Variants in TXNIP observed in about 807,000 individuals in gnomAD.
The protein encoded by TXNIP is thioredoxin-interacting protein.
In TXNIP, 23 loss-of-function variants were observed where a neutral mutation model predicts 43.9. The observed-to-expected ratio is 0.52, with a 90% CI of 0.38 to 0.74. The LOEUF (loss-of-function observed/expected upper bound fraction) is 0.74. Among genes scored for constraint, TXNIP ranks in the 30% least tolerant of loss-of-function variants. The probability of loss-of-function intolerance (pLI) is 0.00; values close to 1 mark genes in which losing one functional copy is unlikely to be tolerated. For missense variants in TXNIP, 555 were observed against 485.4 expected, an observed-to-expected ratio of 1.14 and a Z score of -1.35; for synonymous variants, 234 against 172.2, an observed-to-expected ratio of 1.36 and a Z score of -2.81.
chr1:145,995,566 G>T, intron 1 of TXNIP, 90 bp from the exon 2 acceptor site: 1 of 1,160,322 alleles, frequency 8.6e-7, no homozygotes, highest in Non-Finnish European at 1.3e-6. Context: ...TGGCATGCAA[G>T]GTATTGAAGT....
rs1434993978 is a variant in TXNIP, at chr1:145,993,478, A to G, written c.*373T>C. The G allele has an allele frequency of 5.6e-6, 1 of 179,686 alleles. No individual in the cohort carries two copies. The highest frequency in any genetic ancestry group is 1.2e-5 in the Non-Finnish European group (1 of 83,208). 11.1% of individuals were successfully genotyped at this position (179,686 alleles called of 1,614,324 possible). A position where few individuals can be genotyped will look rare whatever the true frequency, so the allele number is the denominator to read the frequency against. Reference sequence around the variant, plus strand: ...GTTCAAGGTCCAAAGTTCCTATCACAATTTACAAAAAGCCTCCAAAAAACC... The same window carrying G: ...GTTCAAGGTCCAAAGTTCCTATCACGATTTACAAAAAGCCTCCAAAAAACC... On this transcript the variant is annotated 3_prime_UTR_variant, in exon 8 of 8. Transcript: ENST00000582401.
At position 145,996,247 on chromosome 1, in the gene TXNIP, ATCT is replaced by A. The variant is rs1221602923; in HGVS notation, c.17_19del (p.Lys6del). On this transcript the variant is annotated inframe_deletion, in exon 1 of 8. Transcript: ENST00000582401. ...GTTAAAGACCACCTCAAAAGACTTG[ATCT>A]TCTTGAACATCACCATGATGGAACT... 2 of 1,613,928 alleles carry A rather than the reference ATCT, an allele frequency of 1.2e-6. No individual in the cohort carries two copies. Among genetic ancestry groups the A allele is most frequent in the Non-Finnish European group, 1.7e-6 (2 of 1,180,014 alleles).
rs587750520 is a variant in TXNIP at position 145,996,551 on chromosome 1, C to T, written c.-285G>A. 1.3e-4 allele frequency: 42 copies of T among 313,108 alleles called. No homozygotes were observed. The highest frequency in any genetic ancestry group is 8.8e-4 in the African/African-American group (40 of 45,546). The allele number at this position is 313,108 out of a possible 1,614,324, so 19.4% of individuals were successfully genotyped here. ...AGAAAAGATCCGATCTCCACAAGCACTCCTTTGGAGAAAAAGAGGGGTTAG... is the reference window on the plus strand; with the variant it reads ...AGAAAAGATCCGATCTCCACAAGCATTCCTTTGGAGAAAAAGAGGGGTTAG... On this transcript the variant is annotated 5_prime_UTR_variant, in exon 1 of 8. In the 5' UTR this introduces an upstream ATG that the reference lacks. Coordinates refer to ENST00000582401, the MANE Select transcript of TXNIP (RefSeq NM_006472.6).
chr1:145,994,577 G>C lies in TXNIP; in HGVS notation c.798C>G (p.Gly266=). 6.2e-7 allele frequency: 1 copy of C among 1,614,208 alleles called. No homozygotes were observed. Among genetic ancestry groups the C allele is most frequent in the Admixed American group, 1.7e-5 (1 of 60,022 alleles). Residue 266 remains glycine (G), a synonymous_variant, in exon 5 of 8, where the codon GGC becomes GGG. Coordinates refer to ENST00000582401, the MANE Select transcript of TXNIP (RefSeq NM_006472.6). ...AATATTCAACTCGAAGGATGTTGCA[G>C]CCCAGGATAGAAGGCCTGATCTTCT... ...RVQKIRPSIL[G]CNILRVEYSL...
rs1016711766 is a variant in TXNIP at position 145,992,951 on chromosome 1, T to A, written c.*900A>T. ...TGGGGCAATCTCAAAAGTAGTAAAA[T>A]TTTTTTTGTCTTTTGGCTTAACCCT... On this transcript the variant is annotated 3_prime_UTR_variant, in exon 8 of 8. Transcript: ENST00000582401. 3.3e-5 allele frequency: 5 copies of A among 152,566 alleles called. No individual in the cohort carries two copies. The highest frequency in any genetic ancestry group is 2.1e-4 in the South Asian group (1 of 4,828). The allele number at this position is 152,566 out of a possible 1,614,324, so 9.5% of individuals were successfully genotyped here.
rs1454046787 is a variant in TXNIP at position 145,995,001 on chromosome 1, C to CT, written c.501dup (p.Val168SerfsTer8). ...CCATCAGGAATGAACATGCAGGAAACTTTCTTTTCTTTTTTAGCAGACACA... is the reference window on the plus strand; with the variant it reads ...CCATCAGGAATGAACATGCAGGAAACTTTTCTTTTCTTTTTTAGCAGACACA... On this transcript the variant is annotated frameshift_variant, in exon 4 of 8. Transcript: ENST00000582401. LOFTEE classifies it high-confidence loss of function. 5 of 1,613,998 alleles carry CT rather than the reference C, an allele frequency of 3.1e-6. No homozygotes were observed. The highest frequency in any genetic ancestry group is 3.4e-6 in the Non-Finnish European group (4 of 1,180,028).
chr1:145,993,751 A>G lies in TXNIP; in HGVS notation c.*100T>C. 2 of 1,392,266 alleles carry G rather than the reference A, an allele frequency of 1.4e-6. No homozygotes were observed. The highest frequency in any genetic ancestry group is 2.0e-6 in the Non-Finnish European group (2 of 1,002,388). 86.2% of individuals were successfully genotyped at this position (1,392,266 alleles called of 1,614,324 possible). ...AAGTCAGAGGCTAAGGTGGACCCAC[A>G]CTCCATTGCAGAGACTGTTGAGTCT... On this transcript the variant is annotated 3_prime_UTR_variant, in exon 8 of 8. Transcript: ENST00000582401.
rs372245117 is a variant in TXNIP at position 145,993,524 on chromosome 1, G to A, written c.*327C>T. The A allele has an allele frequency of 9.4e-4, 214 of 228,496 alleles. 8 individuals are homozygous for A. In the South Asian group the frequency reaches 0.02, roughly 21 times the overall value. The allele number at this position is 228,496 out of a possible 1,614,324, so 14.2% of individuals were successfully genotyped here. ...AAACCTTGAAAAGCTTACGCCAGGA[G>A]GCCATTTTTACCTGACCCGAAACTA... is the stretch of plus-strand genomic sequence containing the variant. On this transcript the variant is annotated 3_prime_UTR_variant, in exon 8 of 8. Transcript: ENST00000582401.
chr1:145,994,777 C>T lies in TXNIP; in HGVS notation c.598G>A (p.Asp200Asn), dbSNP rs1553766147. The change falls in exon 5 of 8, where the codon GAC (aspartate) becomes AAC (asparagine). Residue 200 changes from aspartate (D) to asparagine (N), a missense_variant. Asp to Asn is a conservative substitution (Grantham distance 23). Transcript: ENST00000582401. ...CEGDEISIHADFENTCSRIVV... is the reference protein window; with the variant it reads ...CEGDEISIHANFENTCSRIVV... ...ATTCGGGAACATGTATTCTCAAAGT[C>T]AGCATGGATGGAAATCTCATCACCT... 6.2e-7 allele frequency: 1 copy of T among 1,614,070 alleles called. No individual in the cohort carries two copies. The highest frequency in any genetic ancestry group is 1.7e-5 in the Admixed American group (1 of 60,010).
chr1:145,995,087 C>T (rs1490737296), intron 3 of TXNIP, 56 bp from the exon 4 acceptor site: 31 of 1,613,210 alleles, frequency 1.9e-5, no homozygotes, highest in South Asian at 1.4e-4. Context: ...ATGCCCAAGA[C>T]GTCTGATTTA....
At chr1:145,995,642 T>G in intron 1 of TXNIP, 166 bp from the exon 2 acceptor site, 1 of 709,072 alleles carries the variant, frequency 1.4e-6, no homozygotes, top group South Asian at 1.8e-5. Flanking sequence ...AGAGAAATTC[T>G]GATGTATTTT....
chr1:145,996,067 G>C lies in TXNIP; in HGVS notation c.200C>G (p.Ser67Trp), dbSNP rs782574973. ...CGTGTCTTCATAGCGCAGGTACTCC[G>C]AAGTCTGTTTGCACTGCTGGGATCC... ...MQGSQQCKQT[S>W]EYLRYEDTLL... The change falls in exon 1 of 8, where the codon TCG becomes TGG. Residue 67 changes from serine to tryptophan, a missense_variant. Ser to Trp is a radical substitution (Grantham distance 177). Coordinates refer to ENST00000582401, the MANE Select transcript of TXNIP (RefSeq NM_006472.6). The C allele has an allele frequency of 1.2e-6, 2 of 1,614,014 alleles. No homozygotes were observed. Among genetic ancestry groups the C allele is most frequent in the East Asian group, 2.2e-5 (1 of 44,876 alleles).
Position 145,996,362 on chromosome 1 carries a change from T to A in TXNIP, c.-96A>T. 1 of 1,353,208 alleles carries A rather than the reference T, an allele frequency of 7.4e-7. No homozygotes were observed. Among genetic ancestry groups the A allele is most frequent in the Non-Finnish European group, 1.0e-6 (1 of 982,958 alleles). The allele number at this position is 1,353,208 out of a possible 1,614,324, so 83.8% of individuals were successfully genotyped here. On this transcript the variant is annotated 5_prime_UTR_variant, in exon 1 of 8. Coordinates refer to ENST00000582401, the MANE Select transcript of TXNIP (RefSeq NM_006472.6). ...CCCCTTTGCAAAAAATTATTTCACT[T>A]TAAGGAATTAAGGTATTCTTAAGCA...
Position 145,994,159 on chromosome 1 carries a change from A to AG in TXNIP, c.996dup (p.Cys333LeufsTer8). 6.2e-7 allele frequency: 1 copy of AG among 1,614,094 alleles called. No homozygotes were observed. The highest frequency in any genetic ancestry group is 1.1e-5 in the South Asian group (1 of 91,060). ...TCTTCAGGAATGACATCCATATAGC[A>AG]GGGAGGAGCTAGAAAAGAAAATATG... On this transcript the variant is annotated frameshift_variant, in exon 7 of 8. Coordinates refer to ENST00000582401, the MANE Select transcript of TXNIP (RefSeq NM_006472.6). LOFTEE classifies it high-confidence loss of function.
chr1:145,995,915 C>T, intron 1 of TXNIP, 102 bp downstream of exon 1: 2 of 1,409,286 alleles, frequency 1.4e-6, no homozygotes, highest in Non-Finnish European at 1.9e-6. Context: ...GTAATTCAAA[C>T]CACTCAAACT....
chr1:145,995,603 T>TA (rs1553766411), intron 1 of TXNIP, 127 bp from the exon 2 acceptor site: 6 of 856,310 alleles, frequency 7.0e-6, no homozygotes, highest in African/African-American at 3.4e-5. Flanking sequence ...CATATATATA[T>TA]TTTTTAATCC....
intron 5 of TXNIP, 34 bp from the exon 6 acceptor site, chr1:145,994,471 G>A: frequency 6.2e-7 from 1 of 1,613,142 alleles, no homozygotes; most frequent in Non-Finnish European, 8.5e-7. Flanking sequence ...TTACACCAGA[G>A]GTCTGGAGAA....
chr1:145,993,396 A>C lies in TXNIP; in HGVS notation c.*455T>G, dbSNP rs923375748. Reference sequence around the variant, plus strand: ...TCCTTTTCCCAAAGTTTTGGCCACAATTTCCCTTTTCATCTTCCTAGTTTG... The same window carrying C: ...TCCTTTTCCCAAAGTTTTGGCCACACTTTCCCTTTTCATCTTCCTAGTTTG... On this transcript the variant is annotated 3_prime_UTR_variant, in exon 8 of 8. Coordinates refer to ENST00000582401, the MANE Select transcript of TXNIP (RefSeq NM_006472.6). The C allele has an allele frequency of 1.9e-5, 3 of 155,516 alleles. No homozygotes were observed. The highest frequency in any genetic ancestry group is 7.2e-5 in the African/African-American group (3 of 41,442). The allele number at this position is 155,516 out of a possible 1,614,324, so 9.6% of individuals were successfully genotyped here.
intron 7 of TXNIP, 39 bp from the exon 8 acceptor site, chr1:145,993,925 C>G (rs782069078): frequency 6.2e-6 from 10 of 1,613,784 alleles, no homozygotes. Flanking sequence ...CAGGTAAGAA[C>G]AAAAAGAACA....
Sources: allele counts gnomAD v4.1 joint callset, GRCh38; gene constraint gnomAD v4.1.1; transcripts MANE v1.5; gene names NCBI Gene and HGNC (gene_info 2026-07-23, HGNC 2026-07-21).